Variants in GPC5 observed in about 807,000 individuals in gnomAD.
The protein encoded by GPC5 is glypican-5.
In GPC5, 47 loss-of-function variants were observed where a neutral mutation model predicts 53.9. The observed-to-expected ratio is 0.87, with a 90% CI of 0.69 to 1.11. The LOEUF (loss-of-function observed/expected upper bound fraction) is 1.11, where lower values mean the gene tolerates loss of function less well. GPC5 is among the 50% of genes most tolerant of loss of function. The pLI, the probability that GPC5 is intolerant of heterozygous loss-of-function variation, is 0.00. For synonymous variants in GPC5, 286 were observed against 263.3 expected (o/e 1.09, Z -0.84); for missense variants, 748 against 713.1 (o/e 1.05, Z -0.56).
chr13:92,746,146 G>A (rs1359910928), intron 7 of GPC5, among the ~76,000 whole-genome samples: 1 of 152,034 alleles, frequency 6.6e-6, no homozygotes, highest in East Asian at 1.9e-4. Context: ...TCAAAATGGA[G>A]TATTCAGCTG....
intron 6 of GPC5, among the ~76,000 whole-genome samples, chr13:92,038,991 A>G (rs1291556542): frequency 6.6e-6 from 1 of 152,246 alleles, no homozygotes; most frequent in Non-Finnish European, 1.5e-5. Context: ...ATGATTAGCT[A>G]TGTGAAATCT....
chr13:92,297,602 G>A (rs542558021), intron 7 of GPC5, among the ~76,000 whole-genome samples: 10 of 152,028 alleles, frequency 6.6e-5, no homozygotes, highest in African/African-American at 1.4e-4. Flanking sequence ...CCTGTGTGTC[G>A]AAACTCTGTA....
At chr13:91,881,549 C>A (rs1241651303) in intron 5 of GPC5, among the ~76,000 whole-genome samples, 1 of 152,040 alleles carries the variant, frequency 6.6e-6, no homozygotes, top group Non-Finnish European at 1.5e-5. Context: ...TCAGACTTCT[C>A]CTTCTTTTTT....
intron 2 of GPC5, among the ~76,000 whole-genome samples, chr13:91,469,075 T>C (rs893800963): frequency 2.0e-5 from 3 of 151,552 alleles, no homozygotes; most frequent in Admixed American, 6.6e-5. Context: ...CTCTTGTCTC[T>C]TCTCTCTTTT....
At chr13:92,513,072 G>T (rs772263055) in intron 7 of GPC5, among the ~76,000 whole-genome samples, 20 of 152,184 alleles carry the variant, frequency 1.3e-4, no homozygotes, top group Non-Finnish European at 2.5e-4. Flanking sequence ...CCTTTGTGCT[G>T]GTGTATTGGA....
intron 7 of GPC5, among the ~76,000 whole-genome samples, chr13:92,157,477 T>C (rs1021950323): frequency 6.6e-6 from 1 of 152,192 alleles, no homozygotes; most frequent in African/African-American, 2.4e-5. Context: ...GGGTTCTGTC[T>C]TGATGACTAC....
At chr13:92,067,460 G>T (rs548419987) in intron 6 of GPC5, among the ~76,000 whole-genome samples, 5 of 152,084 alleles carry the variant, frequency 3.3e-5, no homozygotes, top group African/African-American at 1.2e-4. Context: ...TAGGATCAGA[G>T]AATTTCAACC....
At chr13:92,832,549 T>C (rs903833843) in intron 7 of GPC5, among the ~76,000 whole-genome samples, 3 of 152,242 alleles carry the variant, frequency 2.0e-5, no homozygotes, top group Non-Finnish European at 4.4e-5. Context: ...TGTATCTTAA[T>C]GTACTCATTA....
intron 7 of GPC5, among the ~76,000 whole-genome samples, chr13:92,500,889 CA>C (rs1566617864): frequency 6.6e-6 from 1 of 151,962 alleles, no homozygotes; most frequent in African/African-American, 2.4e-5. Flanking sequence ...AAGGGAAGAC[CA>C]GAGAATTGGA....
intron 7 of GPC5, among the ~76,000 whole-genome samples, chr13:92,681,023 T>C (rs1887095051): frequency 6.6e-6 from 1 of 151,966 alleles, no homozygotes; most frequent in African/African-American, 2.4e-5. Flanking sequence ...TGTGAAGAGC[T>C]ATTCTAGTCT....
At chr13:91,768,243 A>G (rs2037560207) in intron 5 of GPC5, among the ~76,000 whole-genome samples, 1 of 152,138 alleles carries the variant, frequency 6.6e-6, no homozygotes, top group Admixed American at 6.5e-5. Flanking sequence ...ATTTATAAGA[A>G]TAGCTCATCA....
At chr13:92,519,707 C>A (rs1031569680) in intron 7 of GPC5, among the ~76,000 whole-genome samples, 1 of 152,000 alleles carries the variant, frequency 6.6e-6, no homozygotes, top group Non-Finnish European at 1.5e-5. Context: ...CCTAACAACA[C>A]AATTAAAAGA....
At chr13:92,866,175 T>C (rs549643549) in intron 7 of GPC5, 107 bp from the exon 8 acceptor site, 2 of 859,634 alleles carry the variant, frequency 2.3e-6, no homozygotes, top group South Asian at 2.5e-5. Context: ...ACATAGAGAA[T>C]GGTCCCCAAA....
intron 6 of GPC5, among the ~76,000 whole-genome samples, chr13:92,031,912 T>A (rs1481093466): frequency 9.1e-6 from 1 of 110,468 alleles, no homozygotes. Context: ...ATATTATATA[T>A]TATAAATATA....
At chr13:92,410,886 A>T (rs1479925609) in intron 7 of GPC5, among the ~76,000 whole-genome samples, 1 of 152,252 alleles carries the variant, frequency 6.6e-6, no homozygotes, top group Non-Finnish European at 1.5e-5. Context: ...TACTGAATTT[A>T]TTAAAGAAAA....
intron 2 of GPC5, among the ~76,000 whole-genome samples, chr13:91,498,101 C>G (rs1456107797): frequency 6.8e-6 from 1 of 146,176 alleles, no homozygotes; most frequent in Non-Finnish European, 1.5e-5. Context: ...TTTTTTTTCT[C>G]CCGCTTAATG....
intron 7 of GPC5, among the ~76,000 whole-genome samples, chr13:92,639,262 C>A (rs1319566776): frequency 6.6e-6 from 1 of 152,134 alleles, no homozygotes; most frequent in Non-Finnish European, 1.5e-5. Context: ...CCATTATAAT[C>A]TTATTTTCTC....
chr13:91,993,617 C>T (rs998615251), intron 6 of GPC5, among the ~76,000 whole-genome samples: 10 of 152,092 alleles, frequency 6.6e-5, no homozygotes, highest in East Asian at 1.9e-4. Context: ...TGTGTGCACG[C>T]ACTCACACAC....
At chr13:91,928,655 CCT>C (rs2039792325) in intron 6 of GPC5, among the ~76,000 whole-genome samples, 2 of 152,142 alleles carry the variant, frequency 1.3e-5, no homozygotes, top group South Asian at 4.1e-4. Context: ...AGGAAGGAAA[CCT>C]CTGTAAGCAG....
Sources: gnomAD v4.1 joint callset for allele counts (sites outside exome capture counted in the v4.1 genomes callset) on GRCh38, gnomAD v4.1.1 for gene constraint, MANE v1.5 for transcripts, NCBI Gene and HGNC (gene_info 2026-07-23, HGNC 2026-07-21) for gene names.